The following TNFRSF11A variants were observed in gnomAD, a reference collection of about 807,000 sequenced individuals.
TNFRSF11A encodes the protein tumor necrosis factor receptor superfamily member 11A.
A neutral mutation model predicts 55.7 loss-of-function variants in TNFRSF11A; 32 were observed. The ratio of observed to expected loss-of-function variants is 0.57; its 90% CI spans 0.43 to 0.77. The LOEUF is 0.77. Among genes scored for constraint, TNFRSF11A ranks in the 30% least tolerant of loss-of-function variants. The pLI is 0.00. For synonymous variants in TNFRSF11A, 311 were observed against 331.0 expected, an observed-to-expected ratio of 0.94 and a Z score of 0.65; for missense variants, 753 against 809.8, an observed-to-expected ratio of 0.93 and a Z score of 0.85.
At chr18:62,341,967 A>T (rs942507690) in intron 1 of TNFRSF11A, among the ~76,000 whole-genome samples, 1 of 151,284 alleles carries the variant, frequency 6.6e-6, no homozygotes, top group Non-Finnish European at 1.5e-5. Context: ...GGGTAGAAAA[A>T]TCCTCCTTCC....
intron 9 of TNFRSF11A, among the ~76,000 whole-genome samples, chr18:62,371,808 C>T (rs1287348241): frequency 1.3e-5 from 2 of 152,156 alleles, no homozygotes; most frequent in Non-Finnish European, 2.9e-5. Flanking sequence ...TCACAATTTA[C>T]GTTCTATAAA....
intron 9 of TNFRSF11A, among the ~76,000 whole-genome samples, chr18:62,376,231 T>A (rs1464991536): frequency 6.6e-6 from 1 of 151,916 alleles, no homozygotes; most frequent in Non-Finnish European, 1.5e-5. Flanking sequence ...TCACTATCAC[T>A]TTCTCTTGTG....
rs1462058282 is a variant in TNFRSF11A, at chr18:62,385,667, C to CCT, written c.*634_*635insTC. Reference sequence around the variant, plus strand: ...CCAGCTTCCTCCCCCCGACTCCCCCCCCAGAGACACGGTCCCACCATGTTA... The same window carrying CCT: ...CCAGCTTCCTCCCCCCGACTCCCCCCCTCCAGAGACACGGTCCCACCATGTTA... On this transcript the variant is annotated 3_prime_UTR_variant, in exon 10 of 10. Transcript: ENST00000586569. 3 of 151,328 alleles carry CCT rather than the reference C, an allele frequency of 2.0e-5. No homozygotes were observed. The highest frequency in any genetic ancestry group is 3.0e-5 in the Non-Finnish European group (2 of 67,722). 9.4% of individuals were successfully genotyped at this position (151,328 alleles called of 1,614,324 possible).
chr18:62,373,643 C>A (rs1472850813), intron 9 of TNFRSF11A, among the ~76,000 whole-genome samples: 2 of 152,148 alleles, frequency 1.3e-5, no homozygotes, highest in African/African-American at 4.8e-5. Context: ...CTTTGGTCTG[C>A]TCTAGGGAGC....
At chr18:62,329,877 T>C (rs549633460) in intron 1 of TNFRSF11A, among the ~76,000 whole-genome samples, 2 of 152,146 alleles carry the variant, frequency 1.3e-5, no homozygotes, top group Non-Finnish European at 2.9e-5. Flanking sequence ...CCAGTCGCAG[T>C]GTGCTCTCAC....
rs376617343 is a variant in TNFRSF11A, at chr18:62,354,430, C to T, written c.323C>T (p.Thr108Ile). 6 of 1,595,212 alleles carry T rather than the reference C, an allele frequency of 3.8e-6. No individual in the cohort carries two copies. Among genetic ancestry groups the T allele is most frequent in the Non-Finnish European group, 5.1e-6 (6 of 1,176,494 alleles). ...GCCGTGGTCGCCGGCAACAGCACGACCCCCCGGCGCTGCGCGTGCACGGCT... is the reference window on the plus strand; with the variant it reads ...GCCGTGGTCGCCGGCAACAGCACGATCCCCCGGCGCTGCGCGTGCACGGCT... The part of the protein sequence containing the change: ...LVAVVAGNST[T>I]PRRCACTAGY... The change falls in exon 4 of 10, where the codon ACC becomes ATC. Residue 108 changes from threonine (T) to isoleucine (I), a missense_variant. Thr to Ile is a moderately conservative substitution (Grantham distance 89, BLOSUM62 -1). Transcript: ENST00000586569.
Position 62,384,902 on chromosome 18 carries a change from G to T in TNFRSF11A, c.1719G>T (p.Glu573Asp). The change falls in exon 10 of 10, where the codon GAG becomes GAT. Residue 573 changes from glutamate to aspartate, a missense_variant. By Grantham distance (45) the Glu-to-Asp change is conservative. Transcript: ENST00000586569. ...CCATGGGCCGCCCGGTGCAGGAGGA[G>T]ACCCTGGCGCGCCGAGACTCCTTCG... is the stretch of plus-strand genomic sequence containing the variant. ...AEPMGRPVQE[E>D]TLARRDSFAG... is the part of the protein sequence containing the mutation. 6.3e-7 allele frequency: 1 copy of T among 1,577,140 alleles called. No individual in the cohort carries two copies. The highest frequency in any genetic ancestry group is 1.3e-5 in the African/African-American group (1 of 74,492).
chr18:62,361,657 T>C (rs770301582), intron 6 of TNFRSF11A, 23 bp from the exon 7 acceptor site: 26 of 1,585,290 alleles, frequency 1.6e-5, no homozygotes, highest in Non-Finnish European at 2.2e-5. Flanking sequence ...TACTACCATA[T>C]TTCTCATTTT....
chr18:62,340,056 G>T (rs924295514), intron 1 of TNFRSF11A, among the ~76,000 whole-genome samples: 2 of 151,990 alleles, frequency 1.3e-5, no homozygotes, highest in African/African-American at 4.8e-5. Context: ...TCAGGGGCTG[G>T]CATGGGAAGA....
intron 1 of TNFRSF11A, among the ~76,000 whole-genome samples, chr18:62,335,318 C>T (rs1360850212): frequency 2.0e-5 from 3 of 152,038 alleles, no homozygotes; most frequent in East Asian, 1.9e-4. Context: ...ACCATATTGG[C>T]CAGTTTCGAA....
At position 62,383,506 on chromosome 18, in the gene TNFRSF11A, T is replaced by G. The variant is rs1028951717; in HGVS notation, c.1568-1245T>G. Among the ~76,000 whole-genome samples, 2 of 152,148 alleles carry G rather than the reference T, an allele frequency of 1.3e-5. No individual in the cohort carries two copies. The highest frequency in any genetic ancestry group is 2.9e-5 in the Non-Finnish European group (2 of 68,030). ...AAGGGGTGAATCGTGAGGAGCCATT[T>G]TGACATTCCTGGCCCCTGATCAAAT... On this transcript the variant is annotated intron_variant, in intron 9 of 9. Transcript: ENST00000586569. The surrounding 1 kb of genome is among the most constrained non-coding windows in gnomAD (Gnocchi z 4.2).
chr18:62,348,951 G>A (rs2046424257), intron 2 of TNFRSF11A, among the ~76,000 whole-genome samples: 1 of 152,202 alleles, frequency 6.6e-6, no homozygotes, highest in Non-Finnish European at 1.5e-5. Flanking sequence ...GGGGCGCAGC[G>A]TGACACTTGG....
chr18:62,359,384 AT>A (rs60260029), intron 5 of TNFRSF11A, among the ~76,000 whole-genome samples: 12,381 of 150,120 alleles, frequency 0.082, 587 homozygotes, highest in African/African-American at 0.12. Flanking sequence ...TGGAATATGC[AT>A]TTTTTTTTTC....
rs193216639 is a variant in TNFRSF11A at position 62,367,032 on chromosome 18, T to C, written c.783+272T>C. Among the ~76,000 whole-genome samples, 344 of 152,344 alleles carry C rather than the reference T, an allele frequency of 2.3e-3. 4 individuals are homozygous for C. The highest frequency in any genetic ancestry group is 7.7e-3 in the African/African-American group (322 of 41,580). ...CCTGGCTAATTTTTTGTGTTTTTAA[T>C]AGAGACAGGGCTTCACCGTGTTGGC... On this transcript the variant is annotated intron_variant, in intron 8 of 9. Coordinates refer to ENST00000586569, the MANE Select transcript of TNFRSF11A (RefSeq NM_003839.4).
intron 1 of TNFRSF11A, among the ~76,000 whole-genome samples, chr18:62,337,311 G>T (rs908724905): frequency 6.6e-6 from 1 of 152,090 alleles, no homozygotes; most frequent in African/African-American, 2.4e-5. Flanking sequence ...TAGTGGCAAA[G>T]GTGGTAATTC....
intron 9 of TNFRSF11A, chr18:62,377,929 A>C (rs1911007560): frequency 6.6e-6 from 1 of 152,056 alleles, no homozygotes; most frequent in South Asian, 2.1e-4. Context: ...ATACTCCCTT[A>C]CTAGCCACCA....
chr18:62,347,368 T>C (rs568348352), intron 1 of TNFRSF11A, among the ~76,000 whole-genome samples: 7 of 152,334 alleles, frequency 4.6e-5, no homozygotes, highest in Non-Finnish European at 8.8e-5. Context: ...GGCAAACTGA[T>C]AAGAATCTCT....
chr18:62,369,447 G>C lies in TNFRSF11A; in HGVS notation c.1530G>C (p.Gly510=). 1.2e-6 allele frequency: 2 copies of C among 1,609,846 alleles called. No homozygotes were observed. Among genetic ancestry groups the C allele is most frequent in the Non-Finnish European group, 1.7e-6 (2 of 1,180,032 alleles). The change falls in exon 9 of 10, where the codon GGG becomes GGC. Residue 510 remains glycine (G), a synonymous_variant. Coordinates refer to ENST00000586569, the MANE Select transcript of TNFRSF11A (RefSeq NM_003839.4). ...CAAGCTCAGCGAGGGCAGGTGCCGG[G>C]TCTGGAAGCTCCCCTGGTGGCCAGT... ...RLPSSARAGA[G]SGSSPGGQSP...
chr18:62,359,533 C>T (rs79674718), intron 5 of TNFRSF11A, among the ~76,000 whole-genome samples: 7,051 of 152,102 alleles, frequency 0.046, 234 homozygotes, highest in Admixed American at 0.092. Flanking sequence ...GCACGTACAC[C>T]GCACCCAGCT....
Sources: allele counts gnomAD v4.1 joint callset (sites outside exome capture counted in the v4.1 genomes callset), GRCh38; gene constraint gnomAD v4.1.1; non-coding constraint Gnocchi (gnomAD v3.1); transcripts MANE v1.5; gene names NCBI Gene and HGNC (gene_info 2026-07-23, HGNC 2026-07-21).